CACNA1E: variants seen among roughly 807,000 people sequenced by gnomAD.
CACNA1E encodes the protein voltage-dependent R-type calcium channel subunit alpha-1E.
Under a neutral mutation model 259.2 loss-of-function variants are expected in CACNA1E, and 40 were observed. That is an observed-to-expected ratio of 0.15 (90% CI 0.12 to 0.20). CACNA1E has a LOEUF of 0.20. CACNA1E is among the 10% of genes least tolerant of loss of function. The pLI, the probability that CACNA1E is intolerant of heterozygous loss-of-function variation, is 1.00. For synonymous variants in CACNA1E, 1,104 were observed against 1,138.5 expected, an observed-to-expected ratio of 0.97 and a Z score of 0.61; for missense variants, 1,874 against 3,040.1, an observed-to-expected ratio of 0.62 and a Z score of 9.02.
intron 6 of CACNA1E, among the ~76,000 whole-genome samples, chr1:181,607,998 G>A (rs772014327): frequency 2.6e-5 from 4 of 152,188 alleles, no homozygotes; most frequent in African/African-American, 9.7e-5. Context: ...TCCTGGGCCT[G>A]AAGGAGCAAG....
intron 6 of CACNA1E, among the ~76,000 whole-genome samples, chr1:181,651,053 T>C (rs181142924): frequency 6.6e-6 from 1 of 152,344 alleles, no homozygotes; most frequent in African/African-American, 2.4e-5. Flanking sequence ...TGCGTGACCT[T>C]GGAAAAGTAT....
chr1:181,401,814 T>TA (rs1657120514), intron 1 of CACNA1E, among the ~76,000 whole-genome samples: 1 of 152,218 alleles, frequency 6.6e-6, no homozygotes, highest in African/African-American at 2.4e-5. Flanking sequence ...GGATCTTTCT[T>TA]ATGCCTGCTA....
Position 181,329,468 on chromosome 1 carries a change from G to A in CACNA1E, c.-15+11345G>A, listed in dbSNP as rs1651061625. On this transcript the variant is annotated intron_variant, in intron 1 of 11. Coordinates refer to the CACNA1E transcript ENST00000524607. The stretch of plus-strand genomic sequence containing the variant: ...GCCCCTACCCCACCACAGCTTCAAT[G>A]CCTACTTTGCTCTCTATCACCCACC... Among the ~76,000 whole-genome samples the A allele has an allele frequency of 2.6e-5, 4 of 152,112 alleles. No homozygotes were observed. In the South Asian group the frequency reaches 8.3e-4, roughly 32 times the overall value.
intron 1 of CACNA1E, among the ~76,000 whole-genome samples, chr1:181,385,774 C>G (rs933404566): frequency 1.3e-5 from 2 of 150,906 alleles, no homozygotes; most frequent in Non-Finnish European, 3.0e-5. Context: ...TCTCTTACTT[C>G]CCTCCCTCCT....
At chr1:181,350,245 C>G (rs1652926040) in intron 1 of CACNA1E, among the ~76,000 whole-genome samples, 1 of 152,238 alleles carries the variant, frequency 6.6e-6, no homozygotes, top group African/African-American at 2.4e-5. Flanking sequence ...TTCTCTTGAT[C>G]TGTCATCAGT....
rs549893368 is a variant in CACNA1E, at chr1:181,552,066, A to G, written c.513-25700A>G. Among the ~76,000 whole-genome samples the G allele has an allele frequency of 3.3e-5, 5 of 152,244 alleles. No homozygotes were observed. The East Asian group carries it at 9.7e-4, about 29-fold the overall frequency. On this transcript the variant is annotated intron_variant, in intron 3 of 47. Coordinates refer to ENST00000367573, the MANE Select transcript of CACNA1E (RefSeq NM_001205293.3). Reference sequence around the variant, plus strand: ...TCTCAGCTACTTCTGACATTATTTCAAGACCCCTTGTTATTTCCCCATCCC... The same window carrying G: ...TCTCAGCTACTTCTGACATTATTTCGAGACCCCTTGTTATTTCCCCATCCC...
Position 181,758,051 on chromosome 1 carries a change from G to A in CACNA1E, c.4434G>A (p.Pro1478=), listed in dbSNP as rs766384673. The stretch of plus-strand genomic sequence containing the variant: ...GCGTGTGGCACTTTGTGGTGTCTCC[G>A]TCCTTTGAGTACACCATTATGGCCA... ...QYRVWHFVVS[P]SFEYTIMAMI... is the part of the protein sequence containing the mutation. Residue 1478 remains proline (P), a synonymous_variant, in exon 31 of 48, where the codon CCG becomes CCA. Transcript: ENST00000367573. This position sits in a 1 kb window ranked among gnomAD's most constrained non-coding sequence, Gnocchi z 4.2. 33 of 1,613,698 alleles carry A rather than the reference G, an allele frequency of 2.0e-5. No homozygotes were observed. The highest frequency in any genetic ancestry group is 1.5e-4 in the Admixed American group (9 of 59,998).
intron 1 of CACNA1E, among the ~76,000 whole-genome samples, chr1:181,320,401 C>T (rs2102556091): frequency 6.6e-6 from 1 of 152,252 alleles, no homozygotes; most frequent in South Asian, 2.1e-4. Context: ...ATAAATCTGC[C>T]AGACAGCTAA....
chr1:181,546,519 TC>T (rs1647492460), intron 3 of CACNA1E, among the ~76,000 whole-genome samples: 1 of 152,128 alleles, frequency 6.6e-6, no homozygotes, highest in Non-Finnish European at 1.5e-5. Flanking sequence ...TCTCAAATTG[TC>T]CCCTTTCCCT....
At position 181,790,211 on chromosome 1, in the gene CACNA1E, T is replaced by C. The variant is rs376066978; in HGVS notation, c.5787-234T>C. ...CAAATGATGTCATTTGTCATAGACATGCTAGCCCCCGGCAGAATAATGAAT... is the reference window on the plus strand; with the variant it reads ...CAAATGATGTCATTTGTCATAGACACGCTAGCCCCCGGCAGAATAATGAAT... On this transcript the variant is annotated intron_variant, in intron 43 of 47. Transcript: ENST00000367573. Among the ~76,000 whole-genome samples, 3 of 152,052 alleles carry C rather than the reference T, an allele frequency of 2.0e-5. No homozygotes were observed. In the South Asian group the frequency reaches 6.2e-4, roughly 32 times the overall value.
In CACNA1E at chr1:181,483,990, C is replaced by G. The variant is rs945252835; in HGVS notation, c.246C>G (p.Ala82=). Residue 82 remains alanine (A), a synonymous_variant, in exon 1 of 48, where the codon GCC becomes GCG. Transcript: ENST00000367573. The stretch of plus-strand genomic sequence containing the variant: ...AAGATAACATTGTCAGGAAATATGC[C>G]AAGAAGCTCATCGATTGGCCATATC... The part of the protein sequence containing the change: ...FGEDNIVRKY[A]KKLIDWPPFE... 8 of 1,613,638 alleles carry G rather than the reference C, an allele frequency of 5.0e-6. No individual in the cohort carries two copies. The Admixed American group carries it at 6.7e-5, about 13-fold the overall frequency.
At chr1:181,754,680 C>T (rs1657930091) in intron 27 of CACNA1E, among the ~76,000 whole-genome samples, 1 of 152,186 alleles carries the variant, frequency 6.6e-6, no homozygotes, top group African/African-American at 2.4e-5. Flanking sequence ...AGAACATTTA[C>T]ATGAAGTGCT....
chr1:181,719,700 C>A, intron 12 of CACNA1E, 51 bp from the exon 13 acceptor site: 1 of 988,716 alleles, frequency 1.0e-6, no homozygotes, highest in South Asian at 1.5e-5. Context: ...TAGAATGCCC[C>A]CTCTTCTCCT....
At chr1:181,340,719 G>A (rs1652082099) in intron 1 of CACNA1E, among the ~76,000 whole-genome samples, 1 of 151,924 alleles carries the variant, frequency 6.6e-6, no homozygotes, top group Non-Finnish European at 1.5e-5. Context: ...TTATTGTGCT[G>A]ATAGAAACTT....
intron 3 of CACNA1E, among the ~76,000 whole-genome samples, chr1:181,516,497 T>G (rs1335830824): frequency 6.6e-6 from 1 of 152,008 alleles, no homozygotes; most frequent in Non-Finnish European, 1.5e-5. Context: ...CTTGTCCAAA[T>G]CCAAATGGTT....
At chr1:181,600,337 G>A (rs1653618171) in intron 6 of CACNA1E, among the ~76,000 whole-genome samples, 1 of 152,212 alleles carries the variant, frequency 6.6e-6, no homozygotes, top group Non-Finnish European at 1.5e-5. Flanking sequence ...TTTACTCCGA[G>A]TGTGATGGGA....
At chr1:181,745,411 A>C in intron 25 of CACNA1E, 1 of 471,788 alleles carries the variant, frequency 2.1e-6, no homozygotes, top group South Asian at 1.6e-5. Flanking sequence ...CCACAGACCC[A>C]AGCAAAATGA....
In CACNA1E at chr1:181,633,636, C is replaced by T. The variant is rs191561593; in HGVS notation, c.952-17702C>T. On this transcript the variant is annotated intron_variant, in intron 6 of 47. Transcript: ENST00000367573. The stretch of plus-strand genomic sequence containing the variant: ...CCTCCTGAGTAGCTGGGAATATAGG[C>T]GCCTGCCACCACGCCCGGCTCAGTT... 3.4e-4 allele frequency among the ~76,000 whole-genome samples: 52 copies of T among 152,080 alleles called. No individual in the cohort carries two copies. The East Asian group carries it at 8.0e-3, about 23-fold the overall frequency.
chr1:181,476,830 T>A (rs1222495257), intron 2 of CACNA1E, among the ~76,000 whole-genome samples: 1 of 152,168 alleles, frequency 6.6e-6, no homozygotes, highest in Non-Finnish European at 1.5e-5. Context: ...GGGGCGCTGC[T>A]GAGTCCTCCT....
Sources: gnomAD v4.1 joint callset for allele counts (sites outside exome capture counted in the v4.1 genomes callset) on GRCh38, gnomAD v4.1.1 for gene constraint, Gnocchi (gnomAD v3.1) non-coding constraint, MANE v1.5 for transcripts, NCBI Gene and HGNC (gene_info 2026-07-23, HGNC 2026-07-21) for gene names.